Variants in RP1 observed in about 807,000 individuals in gnomAD.
RP1 encodes the protein oxygen-regulated protein 1.
RP1 carries 16 observed loss-of-function variants against 14.8 expected under a neutral mutation model. The observed-to-expected ratio is 1.08, with a 90% confidence interval of 0.73 to 1.65. RP1 has a LOEUF of 1.65. Ranked by LOEUF, RP1 falls within the 40% of genes most tolerant of loss-of-function variation. The pLI is 0.00. For missense variants in RP1, 2,631 were observed against 2,535.0 expected, an observed-to-expected ratio of 1.04 and a Z score of -0.81; for synonymous variants, 876 against 883.6, an observed-to-expected ratio of 0.99 and a Z score of 0.15.
intron 22 of RP1, among the ~76,000 whole-genome samples, chr8:54,763,845 A>T (rs1809700584): frequency 6.6e-6 from 1 of 152,206 alleles, no homozygotes; most frequent in Non-Finnish European, 1.5e-5. Context: ...CGTTCCTTAG[A>T]GTTGACATTG....
At position 54,673,805 on chromosome 8, in the gene RP1, CA is replaced by C. The variant is rs1355170510; in HGVS notation, c.1324-44del. ...CTTAATTTATACTATTGGTATAAATCAGAGTTATAGTCTAGATCTAATTATA... is the reference window on the plus strand; with the variant it reads ...CTTAATTTATACTATTGGTATAAATCGAGTTATAGTCTAGATCTAATTATA... On this transcript the variant is annotated intron_variant, in intron 7 of 22. Coordinates refer to the RP1 transcript ENST00000636932. The C allele has an allele frequency of 5.0e-6, 7 of 1,395,642 alleles. No individual in the cohort carries two copies. The East Asian group carries it at 1.8e-4, about 35-fold the overall frequency. The allele number at this position is 1,395,642 out of a possible 1,614,324, so 86.5% of individuals were successfully genotyped here.
At chr8:54,708,417 C>T (rs914077800) in intron 15 of RP1, among the ~76,000 whole-genome samples, 1 of 150,118 alleles carries the variant, frequency 6.7e-6, no homozygotes, top group African/African-American at 2.5e-5. Flanking sequence ...AGTGCAGTGG[C>T]GCAATCTCGG....
At chr8:54,827,623 C>G (rs973513547) in intron 24 of RP1, among the ~76,000 whole-genome samples, 2 of 152,138 alleles carry the variant, frequency 1.3e-5, no homozygotes, top group African/African-American at 4.8e-5. Flanking sequence ...AGCCACTGTG[C>G]CAGGCTACAT....
chr8:54,628,264 A>G lies in RP1; in HGVS notation c.4382A>G (p.Asn1461Ser). Residue 1461 changes from asparagine (N) to serine (S), a missense_variant, in exon 4 of 4, where the codon AAC (asparagine) becomes AGC (serine). Physicochemically the swap from Asn to Ser is conservative, Grantham distance 46. Transcript: ENST00000220676. The stretch of plus-strand genomic sequence containing the variant: ...AACAGCATGACATCAAGTGAAAGAA[A>G]CATTTCAGAATTGGAATCTTTTGAA... ...ITNSMTSSER[N>S]ISELESFEEL... The G allele has an allele frequency of 6.2e-7, 1 of 1,613,992 alleles. No individual in the cohort carries two copies. Among genetic ancestry groups the G allele is most frequent in the South Asian group, 1.1e-5 (1 of 91,074 alleles).
intron 19 of RP1, among the ~76,000 whole-genome samples, chr8:54,739,239 T>C (rs575849148): frequency 2.8e-4 from 43 of 152,290 alleles, no homozygotes; most frequent in Middle Eastern, 3.4e-3. Context: ...AGTTCTCTAC[T>C]TACTATGGTT....
intron 16 of RP1, among the ~76,000 whole-genome samples, chr8:54,724,648 T>C (rs1052764400): frequency 6.6e-6 from 1 of 152,162 alleles, no homozygotes; most frequent in Non-Finnish European, 1.5e-5. Flanking sequence ...TATTGTATTA[T>C]TGGAGGGTCA....
At chr8:54,581,991 A>T (rs1167173359) in intron 1 of RP1, among the ~76,000 whole-genome samples, 1 of 152,078 alleles carries the variant, frequency 6.6e-6, no homozygotes, top group Non-Finnish European at 1.5e-5. Flanking sequence ...TGCTGTGCAG[A>T]AGCTCTTTAG....
At chr8:54,607,361 T>C (rs1805476023) in intron 1 of RP1, among the ~76,000 whole-genome samples, 1 of 152,308 alleles carries the variant, frequency 6.6e-6, no homozygotes, top group East Asian at 1.9e-4. Flanking sequence ...GAACAGTGGA[T>C]ATTGGTGAAC....
intron 3 of RP1, among the ~76,000 whole-genome samples, chr8:54,623,059 T>G (rs1179855077): frequency 1.3e-5 from 2 of 152,232 alleles, no homozygotes; most frequent in Non-Finnish European, 2.9e-5. Context: ...ATATGTATTT[T>G]AAATAGTATT....
chr8:54,726,161 C>T (rs111433477), intron 16 of RP1, among the ~76,000 whole-genome samples: 14 of 152,092 alleles, frequency 9.2e-5, no homozygotes, highest in Non-Finnish European at 1.0e-4. Context: ...CCATGCACAG[C>T]CTGCTGGTAA....
At chr8:54,769,095 C>T (rs894863669) in intron 22 of RP1, among the ~76,000 whole-genome samples, 7 of 151,968 alleles carry the variant, frequency 4.6e-5, no homozygotes, top group Admixed American at 3.3e-4. Flanking sequence ...GGGCTTTCAC[C>T]GTGTTAGCCA....
intron 19 of RP1, among the ~76,000 whole-genome samples, chr8:54,748,465 A>T (rs932345516): frequency 1.3e-5 from 2 of 152,178 alleles, no homozygotes; most frequent in Non-Finnish European, 2.9e-5. Flanking sequence ...AAATTCATGT[A>T]TTTGATAGTC....
chr8:54,772,732 T>G (rs1469795009), downstream of RP1, among the ~76,000 whole-genome samples: 1 of 152,184 alleles, frequency 6.6e-6, no homozygotes, highest in Middle Eastern at 3.2e-3. Context: ...ACTTCAGGGA[T>G]TGTACTGTTC....
Position 54,559,843 on chromosome 8 carries a change from G to A in RP1, c.-13+523G>A, listed in dbSNP as rs142803365. Among the ~76,000 whole-genome samples the A allele has an allele frequency of 1.5e-4, 23 of 152,258 alleles. No homozygotes were observed. The East Asian group carries it at 4.1e-3, about 27-fold the overall frequency. On this transcript the variant is annotated intron_variant, in intron 1 of 22. Transcript: ENST00000636932. ...GGATGACTATTAGAGACTGAGAAAG[G>A]CCACAGCAAAGAATGTAAAAAGAGT...
At chr8:54,794,925 G>C (rs1371852972) in intron 24 of RP1, among the ~76,000 whole-genome samples, 3 of 151,912 alleles carry the variant, frequency 2.0e-5, no homozygotes, top group African/African-American at 4.8e-5. Flanking sequence ...TTAAAAATGG[G>C]AAAAGACCTG....
At chr8:54,819,415 T>A (rs897720129) in intron 24 of RP1, among the ~76,000 whole-genome samples, 2 of 152,128 alleles carry the variant, frequency 1.3e-5, no homozygotes, top group African/African-American at 4.8e-5. Context: ...CTATTTTGAA[T>A]TCTCTGTCTG....
At chr8:54,719,697 G>A (rs1022064680) in intron 15 of RP1, among the ~76,000 whole-genome samples, 1 of 152,168 alleles carries the variant, frequency 6.6e-6, no homozygotes, top group African/African-American at 2.4e-5. Context: ...TCTGGAAAAT[G>A]CAGAATAGCA....
chr8:54,744,531 G>T (rs1007254498), intron 19 of RP1, among the ~76,000 whole-genome samples: 10 of 152,222 alleles, frequency 6.6e-5, no homozygotes, highest in African/African-American at 2.4e-4. Context: ...GAATTTGTCA[G>T]ACACAAGCCG....
rs1366220475 is a variant in RP1 at position 54,628,746 on chromosome 8, G to A, written c.4864G>A (p.Glu1622Lys). 1.2e-6 allele frequency: 2 copies of A among 1,613,894 alleles called. No individual in the cohort carries two copies. Among genetic ancestry groups the A allele is most frequent in the African/African-American group, 2.7e-5 (2 of 74,898 alleles). The change falls in exon 4 of 4, where the codon GAA becomes AAA. Residue 1622 changes from glutamate (E) to lysine (K), a missense_variant. Transcript: ENST00000220676. ...NDSGELTQEK[E>K]YNIGFVKRAI... ...CAGTGGCGAACTTACCCAAGAGAAA[G>A]AATATAACATAGGATTTGTTAAAAG...
Sources: allele counts gnomAD v4.1 joint callset (sites outside exome capture counted in the v4.1 genomes callset), GRCh38; gene constraint gnomAD v4.1.1; transcripts MANE v1.5; gene names NCBI Gene and HGNC (gene_info 2026-07-23, HGNC 2026-07-21).